The following OSBP2 variants were observed in gnomAD, a reference collection of about 807,000 sequenced individuals.
The protein encoded by OSBP2 is oxysterol binding protein 2, also known as oxysterol-binding protein 2.
A neutral mutation model predicts 96.0 loss-of-function variants in OSBP2; 66 were observed. The ratio of observed to expected loss-of-function variants is 0.69; its 90% CI spans 0.56 to 0.84. The LOEUF is 0.84. Among genes scored for constraint, OSBP2 ranks in the 40% least tolerant of loss-of-function variants. The pLI is 0.00. For synonymous variants in OSBP2, 525 were observed against 520.9 expected (o/e 1.01, Z -0.11); for missense variants, 1,038 against 1,222.7 (o/e 0.85, Z 2.25).
chr22:30,710,314 C>G (rs950396291), intron 1 of OSBP2, among the ~76,000 whole-genome samples: 1 of 152,160 alleles, frequency 6.6e-6, no homozygotes, highest in African/African-American at 2.4e-5. Flanking sequence ...GTTTTGTTTT[C>G]AAAAATTTTC....
chr22:30,752,511 C>T (rs545933312), intron 2 of OSBP2, among the ~76,000 whole-genome samples: 7 of 151,784 alleles, frequency 4.6e-5, no homozygotes, highest in South Asian at 2.1e-4. Context: ...AGGATGGTCT[C>T]GATCTCCTGA....
chr22:30,768,373 G>A (rs918714086), intron 2 of OSBP2, among the ~76,000 whole-genome samples: 17 of 152,148 alleles, frequency 1.1e-4, no homozygotes, highest in African/African-American at 4.1e-4. Flanking sequence ...AAAAGTGGTT[G>A]TCTAGTTTAA....
At chr22:30,877,781 G>C (rs565126887) in intron 3 of OSBP2, among the ~76,000 whole-genome samples, 167 of 152,304 alleles carry the variant, frequency 1.1e-3, no homozygotes, top group African/African-American at 3.3e-3. Flanking sequence ...CACCTGACTC[G>C]ACCCCCATTC....
intron 3 of OSBP2, among the ~76,000 whole-genome samples, chr22:30,878,741 C>T (rs2039636662): frequency 6.6e-6 from 1 of 152,174 alleles, no homozygotes; most frequent in South Asian, 2.1e-4. Context: ...TCAGGAGACA[C>T]ACTTTGGTGC....
At chr22:30,747,207 C>G (rs2090014356) in intron 2 of OSBP2, among the ~76,000 whole-genome samples, 1 of 152,126 alleles carries the variant, frequency 6.6e-6, no homozygotes. Context: ...TTTGTAGGAA[C>G]TAGGGGGAGA....
At chr22:30,852,518 G>A (rs2038995684) in intron 2 of OSBP2, among the ~76,000 whole-genome samples, 1 of 151,500 alleles carries the variant, frequency 6.6e-6, no homozygotes, top group Non-Finnish European at 1.5e-5. Context: ...TTGATAATTT[G>A]TATTTTTTTT....
At chr22:30,745,666 CAAAAAAA>C (rs71328868) in intron 2 of OSBP2, among the ~76,000 whole-genome samples, 917 of 58,728 alleles carry the variant, frequency 0.016, 10 homozygotes, top group African/African-American at 0.052. Flanking sequence ...GACTCTGTCT[CAAAAAAA>C]AAAAAAAAAA....
rs932922412 is a variant in OSBP2, at chr22:30,737,306, G to T, written c.645-3855G>T. On this transcript the variant is annotated intron_variant, in intron 1 of 13. Coordinates refer to ENST00000332585, the MANE Select transcript of OSBP2 (RefSeq NM_030758.4). The stretch of plus-strand genomic sequence containing the variant: ...GCTGGGATTACAGGCGTGAGCCACT[G>T]CGCCCGGCCTTTTTTTTTTTTTTTT... Among the ~76,000 whole-genome samples the T allele has an allele frequency of 1.7e-4, 25 of 148,730 alleles. 4 individuals are homozygous for T. Among genetic ancestry groups the T allele is most frequent in the Admixed American group, 1.5e-3 (22 of 14,852 alleles).
chr22:30,694,854 C>T (rs2145655033), upstream of OSBP2: 5 of 828,554 alleles, frequency 6.0e-6, 1 homozygote, highest in South Asian at 2.9e-4. Context: ...GGCCCCGCCC[C>T]CGGCCTGCCC....
At chr22:30,720,706 G>A (rs5753285) in intron 1 of OSBP2, among the ~76,000 whole-genome samples, 18,828 of 152,178 alleles carry the variant, frequency 0.12, 1,851 homozygotes, top group East Asian at 0.38. Context: ...TTTCATAAGT[G>A]TAAGGGATAT....
chr22:30,801,580 G>T (rs953888410), intron 2 of OSBP2, among the ~76,000 whole-genome samples: 1 of 152,178 alleles, frequency 6.6e-6, no homozygotes, highest in African/African-American at 2.4e-5. Context: ...CATTCTATTC[G>T]ATCTTTCTCC....
At chr22:30,710,002 C>T (rs2089321890) in intron 1 of OSBP2, among the ~76,000 whole-genome samples, 1 of 152,068 alleles carries the variant, frequency 6.6e-6, no homozygotes, top group East Asian at 1.9e-4. Context: ...CCTGCTTCAG[C>T]CTCCCGAGTA....
At chr22:30,858,020 G>T (rs1021410314) in intron 2 of OSBP2, among the ~76,000 whole-genome samples, 1 of 152,204 alleles carries the variant, frequency 6.6e-6, no homozygotes, top group Non-Finnish European at 1.5e-5. Context: ...AAGTATGCCG[G>T]GGGAAAGAGA....
chr22:30,717,090 T>TTTTGTGTGTGTG (rs71328866), intron 1 of OSBP2, among the ~76,000 whole-genome samples: 1 of 118,320 alleles, frequency 8.5e-6, no homozygotes, highest in African/African-American at 3.2e-5. Flanking sequence ...TTTACTGTTT[T>TTTTGTGTGTGTG]TGTGTGTGTG....
intron 2 of OSBP2, among the ~76,000 whole-genome samples, chr22:30,789,430 G>A (rs532619804): frequency 6.6e-6 from 1 of 152,122 alleles, no homozygotes; most frequent in Non-Finnish European, 1.5e-5. Context: ...AGTGGGCTCC[G>A]GTCTGCTTTC....
intron 1 of OSBP2, among the ~76,000 whole-genome samples, chr22:30,696,898 A>G (rs1298296553): frequency 6.6e-6 from 1 of 151,978 alleles, no homozygotes; most frequent in African/African-American, 2.4e-5. Context: ...ACCTCAGGTG[A>G]TTCGCCTGCC....
rs768393854 is a variant in OSBP2 at position 30,741,335 on chromosome 22, G to A, written c.819G>A (p.Lys273=). Reference sequence around the variant, plus strand: ...GGATCACCGCCCTGGAGCTGGCCAAGGCCAAGGCTGTCCGCGTGATGAACA... The same window carrying A: ...GGATCACCGCCCTGGAGCTGGCCAAAGCCAAGGCTGTCCGCGTGATGAACA... The part of the protein sequence containing the change: ...QQWITALELA[K]AKAVRVMNTH... The change falls in exon 2 of 14, where the codon AAG becomes AAA. Residue 273 remains lysine (K), a synonymous_variant. Coordinates refer to ENST00000332585, the MANE Select transcript of OSBP2 (RefSeq NM_030758.4). 1 of 1,612,582 alleles carries A rather than the reference G, an allele frequency of 6.2e-7. No individual in the cohort carries two copies. The highest frequency in any genetic ancestry group is 8.5e-7 in the Non-Finnish European group (1 of 1,179,908).
intron 2 of OSBP2, among the ~76,000 whole-genome samples, chr22:30,869,246 C>T (rs2039410302): frequency 6.6e-6 from 1 of 152,232 alleles, no homozygotes; most frequent in Non-Finnish European, 1.5e-5. Flanking sequence ...GCCTGCCTCT[C>T]TCATGGAGGC....
chr22:30,766,316 G>A (rs970945590), intron 2 of OSBP2, among the ~76,000 whole-genome samples: 1 of 152,188 alleles, frequency 6.6e-6, no homozygotes, highest in African/African-American at 2.4e-5. Context: ...AACATTGAAT[G>A]GTACCTGGCG....
Sources: allele counts gnomAD v4.1 joint callset (sites outside exome capture counted in the v4.1 genomes callset), GRCh38; gene constraint gnomAD v4.1.1; transcripts MANE v1.5; gene names NCBI Gene and HGNC (gene_info 2026-07-23, HGNC 2026-07-21).